The following NOX4 variants were observed in gnomAD, a reference collection of about 807,000 sequenced individuals.
NOX4 encodes the protein NADPH oxidase 4.
A neutral mutation model predicts 87.6 loss-of-function variants in NOX4; 69 were observed. The observed-to-expected ratio is 0.79, with a 90% CI of 0.65 to 0.96. The LOEUF is 0.96. Ranked by LOEUF, NOX4 falls within the 40% of genes least tolerant of loss-of-function variation. NOX4 has a pLI of 0.00. For synonymous variants in NOX4, 275 were observed against 238.2 expected, an observed-to-expected ratio of 1.15 and a Z score of -1.42; for missense variants, 680 against 681.5, an observed-to-expected ratio of 1.00 and a Z score of 0.02.
intron 11 of NOX4, among the ~76,000 whole-genome samples, chr11:89,375,165 A>C (rs1939743357): frequency 6.6e-6 from 1 of 152,364 alleles, no homozygotes; most frequent in South Asian, 2.1e-4. Context: ...TGTTTCTTAT[A>C]GGATTTTTAC....
At chr11:89,509,142 T>C in the NOX4 span, among the ~76,000 whole-genome samples, 1 of 152,064 alleles carries the variant, frequency 6.6e-6, no homozygotes, top group Non-Finnish European at 1.5e-5. Context: ...TACTTGTAAA[T>C]AATAAATCAT....
intron 4 of NOX4, among the ~76,000 whole-genome samples, chr11:89,444,466 AACACACAC>A (rs59319897): frequency 3.4e-5 from 5 of 147,132 alleles, no homozygotes; most frequent in Admixed American, 6.8e-5. Context: ...GGATAAGAGA[AACACACAC>A]ACACACACAC....
chr11:89,587,027 T>C, the NOX4 span, among the ~76,000 whole-genome samples: 1 of 152,118 alleles, frequency 6.6e-6, no homozygotes, highest in Admixed American at 6.6e-5. Context: ...CTAGTGTACA[T>C]ATTATAAAGA....
chr11:89,561,647 A>G, the NOX4 span, among the ~76,000 whole-genome samples: 1 of 151,896 alleles, frequency 6.6e-6, no homozygotes. Flanking sequence ...TTACTAATTC[A>G]TTCAACAAAT....
At chr11:89,556,507 G>T in the NOX4 span, among the ~76,000 whole-genome samples, 8 of 151,360 alleles carry the variant, frequency 5.3e-5, no homozygotes, top group Non-Finnish European at 8.8e-5. Context: ...TGGGTGAAAG[G>T]GTGAAACTCC....
Position 89,421,960 on chromosome 11 carries a change from A to T in NOX4, c.571T>A (p.Trp191Arg), listed in dbSNP as rs1408389334. The change falls in exon 8 of 18, where the codon TGG (tryptophan) becomes AGG (arginine). Residue 191 changes from tryptophan (W) to arginine (R), a missense_variant. Physicochemically the swap from Trp to Arg is moderately radical, Grantham distance 101. Transcript: ENST00000263317. Reference protein sequence around the residue: ...AIRVSNYDIFWYTHNLFFVFY... With the variant: ...AIRVSNYDIFRYTHNLFFVFY... Reference sequence around the variant, plus strand: ...ACAAAGAAGAGGTTATGAGTATACCAGAAGATATCATAGTTAGAAACTCTG... The same window carrying T: ...ACAAAGAAGAGGTTATGAGTATACCTGAAGATATCATAGTTAGAAACTCTG... 3.2e-6 allele frequency: 5 copies of T among 1,554,622 alleles called. No homozygotes were observed. The East Asian group carries it at 1.2e-4, about 38-fold the overall frequency.
Position 89,402,518 on chromosome 11 carries a change from A to T in NOX4, c.654T>A (p.Asn218Lys). 6.2e-7 allele frequency: 1 copy of T among 1,610,546 alleles called. No individual in the cohort carries two copies. Among genetic ancestry groups the T allele is most frequent in the African/African-American group, 1.3e-5 (1 of 74,806 alleles). Residue 218 changes from asparagine to lysine, a missense_variant, in exon 9 of 18, where the codon AAT becomes AAA. Transcript: ENST00000263317. ...TGCAGCCGGGAGGGTGGGTATCTAAATTAGTTTGATACTTCAGCAGCCCTC... is the reference window on the plus strand; with the variant it reads ...TGCAGCCGGGAGGGTGGGTATCTAATTTAGTTTGATACTTCAGCAGCCCTC... ...VSGGLLKYQT[N>K]LDTHPPGCIS...
chr11:89,422,239 T>A (rs747925479), intron 7 of NOX4, among the ~76,000 whole-genome samples: 5 of 152,176 alleles, frequency 3.3e-5, no homozygotes, highest in Admixed American at 6.6e-5. Context: ...AAATAAGTTG[T>A]TTATTTTCAA....
intron 2 of NOX4, among the ~76,000 whole-genome samples, chr11:89,489,320 A>T (rs992279626): frequency 1.3e-5 from 2 of 152,176 alleles, no homozygotes; most frequent in Non-Finnish European, 2.9e-5. Context: ...GAAAAAAAAT[A>T]AAAAAGCAAA....
chr11:89,534,356 A>G, the NOX4 span, among the ~76,000 whole-genome samples: 1 of 152,174 alleles, frequency 6.6e-6, no homozygotes, highest in Non-Finnish European at 1.5e-5. Flanking sequence ...CCTTGTAGAC[A>G]TTTCTGAGTC....
chr11:89,394,077 A>C (rs1941306848), intron 11 of NOX4, among the ~76,000 whole-genome samples: 1 of 151,988 alleles, frequency 6.6e-6, no homozygotes, highest in Non-Finnish European at 1.5e-5. Flanking sequence ...GAAGGGACTT[A>C]CTTAAAGCCC....
the NOX4 span, among the ~76,000 whole-genome samples, chr11:89,568,664 A>G: frequency 6.6e-6 from 1 of 152,374 alleles, no homozygotes; most frequent in East Asian, 1.9e-4. Flanking sequence ...CATTTTCCAC[A>G]GAATTAGAAA....
intron 6 of NOX4, among the ~76,000 whole-genome samples, chr11:89,436,166 T>C (rs1323747577): frequency 6.6e-6 from 1 of 152,030 alleles, no homozygotes; most frequent in Non-Finnish European, 1.5e-5. Context: ...TAAATTCTGC[T>C]CTACAAAAAT....
chr11:89,475,032 T>C (rs930156139), intron 2 of NOX4, among the ~76,000 whole-genome samples: 2 of 151,948 alleles, frequency 1.3e-5, no homozygotes, highest in Non-Finnish European at 2.9e-5. Flanking sequence ...TTAAGTTTTG[T>C]GTTTTATTTA....
At chr11:89,348,208 A>T (rs1325134707) in intron 13 of NOX4, among the ~76,000 whole-genome samples, 2 of 152,132 alleles carry the variant, frequency 1.3e-5, no homozygotes, top group Non-Finnish European at 2.9e-5. Context: ...CAGAATCAGG[A>T]GTTCAAGACT....
the NOX4 span, among the ~76,000 whole-genome samples, chr11:89,532,335 C>A: frequency 2.0e-5 from 3 of 152,196 alleles, no homozygotes; most frequent in African/African-American, 7.2e-5. Flanking sequence ...TGGGAGCCCA[C>A]CCCTTGCAGC....
chr11:89,339,329 C>G (rs12800293), intron 15 of NOX4, among the ~76,000 whole-genome samples: 3 of 152,026 alleles, frequency 2.0e-5, no homozygotes, highest in South Asian at 2.1e-4. Context: ...AGTCAAGACA[C>G]AGTAATCAAT....
chr11:89,481,373 A>G (rs750802438), intron 2 of NOX4, among the ~76,000 whole-genome samples: 1 of 135,612 alleles, frequency 7.4e-6, no homozygotes, highest in Non-Finnish European at 1.5e-5. Flanking sequence ...AGTAATAGTT[A>G]TCAATTTGCT....
chr11:89,379,292 T>C (rs1016053947), intron 11 of NOX4, among the ~76,000 whole-genome samples: 6 of 151,976 alleles, frequency 3.9e-5, no homozygotes, highest in Non-Finnish European at 8.8e-5. Flanking sequence ...CCTTGAGAAG[T>C]AAGCCCATCT....
Sources: allele counts gnomAD v4.1 joint callset (sites outside exome capture counted in the v4.1 genomes callset), GRCh38; gene constraint gnomAD v4.1.1; transcripts MANE v1.5; gene names NCBI Gene and HGNC (gene_info 2026-07-23, HGNC 2026-07-21).